TNRC6B: variants seen among roughly 807,000 people sequenced by gnomAD.
TNRC6B encodes the protein trinucleotide repeat containing adaptor 6B.
TNRC6B carries 52 observed loss-of-function variants against 203.6 expected under a neutral mutation model. The observed-to-expected ratio is 0.26, with a 90% CI of 0.20 to 0.32. The LOEUF is 0.32. Ranked by LOEUF, TNRC6B falls within the 10% of genes least tolerant of loss-of-function variation. The pLI, the probability that TNRC6B is intolerant of heterozygous loss-of-function variation, is 1.00. For missense variants in TNRC6B, 1,923 were observed against 2,286.2 expected, an observed-to-expected ratio of 0.84 and a Z score of 3.24; for synonymous variants, 838 against 845.7, an observed-to-expected ratio of 0.99 and a Z score of 0.16.
At chr22:40,308,770 C>T (rs2071130288) in intron 16 of TNRC6B, 121 bp downstream of exon 16, 2 of 1,203,184 alleles carry the variant, frequency 1.7e-6, no homozygotes, top group Non-Finnish European at 2.3e-6. Flanking sequence ...CTATGATTGC[C>T]TGTGGAGGAA....
intron 3 of TNRC6B, among the ~76,000 whole-genome samples, chr22:40,132,644 C>CA (rs35771828): frequency 0.42 from 27,056 of 64,840 alleles, 6,089 homozygotes; most frequent in African/African-American, 0.66. Flanking sequence ...GACTCCATCT[C>CA]AAAAAAAAAA....
chr22:40,292,126 G>A (rs970604812), intron 12 of TNRC6B, among the ~76,000 whole-genome samples: 2 of 152,270 alleles, frequency 1.3e-5, no homozygotes, highest in East Asian at 3.9e-4. Flanking sequence ...CCCTGGAGGC[G>A]GAGCTTGCAG....
intron 1 of TNRC6B, among the ~76,000 whole-genome samples, chr22:40,191,129 A>G (rs982883040): frequency 6.6e-6 from 1 of 152,252 alleles, no homozygotes; most frequent in Non-Finnish European, 1.5e-5. Flanking sequence ...TAATGGGCAG[A>G]TGGGAGTCGC....
At chr22:40,164,716 C>G (rs1569004136) in intron 4 of TNRC6B, among the ~76,000 whole-genome samples, 1 of 144,094 alleles carries the variant, frequency 6.9e-6, no homozygotes, top group Non-Finnish European at 1.5e-5. Flanking sequence ...GAGCCGAGAT[C>G]GCGCCATTAC....
At position 40,287,184 on chromosome 22, in the gene TNRC6B, T is replaced by A. The variant is rs114829782; in HGVS notation, c.3708+1414T>A. ...ACCACCAAGCTTGGCTGGTTTTAAG[T>A]ATTGTGTAGAGGTGGAGTCATGCTA... On this transcript the variant is annotated intron_variant, in intron 12 of 22. Transcript: ENST00000454349. Among the ~76,000 whole-genome samples, 309 of 151,922 alleles carry A rather than the reference T, an allele frequency of 2.0e-3. 1 individual carries two copies. Among genetic ancestry groups the A allele is most frequent in the African/African-American group, 7.2e-3 (298 of 41,434 alleles).
chr22:40,108,887 A>C (rs2068308814), intron 1 of TNRC6B, among the ~76,000 whole-genome samples: 1 of 152,156 alleles, frequency 6.6e-6, no homozygotes, highest in Non-Finnish European at 1.5e-5. Context: ...CTAAATATTA[A>C]GCCCAGCATA....
At position 40,277,077 on chromosome 22, in the gene TNRC6B, T is replaced by C; in HGVS notation, c.3142T>C (p.Cys1048Arg). The part of the protein sequence containing the change: ...WGQGGKKQMK[C>R]SLKGGNNDSW... ...GAGGTTCCGTGTTTCATTTCTGTAG[T>C]GCTCACTCAAAGGAGGAAACAATGA... Residue 1048 changes from cysteine (C) to arginine (R), a missense_variant and splice_region_variant, in exon 8 of 23, where the codon TGC becomes CGC. Around this residue, in one of 8 missense-constraint regions of TNRC6B, gnomAD observed 599 missense variants for 656.5 expected, o/e 0.91. Coordinates refer to ENST00000454349, the MANE Select transcript of TNRC6B (RefSeq NM_001162501.2). 1 of 1,597,880 alleles carries C rather than the reference T, an allele frequency of 6.3e-7. No individual in the cohort carries two copies. The highest frequency in any genetic ancestry group is 8.5e-7 in the Non-Finnish European group (1 of 1,173,842).
At chr22:40,288,863 G>A (rs1468693612) in intron 12 of TNRC6B, among the ~76,000 whole-genome samples, 1 of 115,150 alleles carries the variant, frequency 8.7e-6, no homozygotes, top group African/African-American at 3.5e-5. Flanking sequence ...TTTTTTTGAG[G>A]CAGAGTCTCT....
At chr22:40,117,687 C>T (rs2068402685) in intron 2 of TNRC6B, among the ~76,000 whole-genome samples, 1 of 151,980 alleles carries the variant, frequency 6.6e-6, no homozygotes, top group Non-Finnish European at 1.5e-5. Flanking sequence ...TTGGTTGATG[C>T]TTTTCTCTTT....
At chr22:40,226,905 A>G (rs944092482) in intron 1 of TNRC6B, among the ~76,000 whole-genome samples, 2 of 151,578 alleles carry the variant, frequency 1.3e-5, no homozygotes, top group African/African-American at 4.8e-5. Flanking sequence ...TCCTAGAACC[A>G]CTAGTTTTTG....
At chr22:40,163,817 A>ATTTTATTTTATT (rs957711412) in intron 4 of TNRC6B, among the ~76,000 whole-genome samples, 1 of 152,020 alleles carries the variant, frequency 6.6e-6, no homozygotes, top group Admixed American at 6.6e-5. Flanking sequence ...GTGTTTCACA[A>ATTTTATTTTATT]TTTTATTTTA....
At position 40,330,034 on chromosome 22, in the gene TNRC6B, ACT is replaced by A. The variant is rs2071448196; in HGVS notation, c.*6796_*6797del. ...AAGATCAGATAAATAGGCAAGAAGT[ACT>A]CTGTTTTAAATAAAGAATAAATAGT... is the stretch of plus-strand genomic sequence containing the variant. On this transcript the variant is annotated 3_prime_UTR_variant, in exon 23 of 23. Coordinates refer to ENST00000454349, the MANE Select transcript of TNRC6B (RefSeq NM_001162501.2). 1 of 152,170 alleles carries A rather than the reference ACT, an allele frequency of 6.6e-6. No homozygotes were observed. Among genetic ancestry groups the A allele is most frequent in the African/African-American group, 2.4e-5 (1 of 41,430 alleles). The allele number at this position is 152,170 out of a possible 1,614,324, so 9.4% of individuals were successfully genotyped here. A position where few individuals can be genotyped will look rare whatever the true frequency, so the allele number is the denominator to read the frequency against.
chr22:40,258,861 A>G (rs777312697), intron 3 of TNRC6B, among the ~76,000 whole-genome samples: 5 of 152,204 alleles, frequency 3.3e-5, no homozygotes, highest in Non-Finnish European at 7.3e-5. Flanking sequence ...AAGTGAGTCA[A>G]ACTGGTGTTC....
At chr22:40,089,250 T>G (rs1490294815) in intron 1 of TNRC6B, among the ~76,000 whole-genome samples, 1 of 152,196 alleles carries the variant, frequency 6.6e-6, no homozygotes, top group Non-Finnish European at 1.5e-5. Flanking sequence ...TTCTTTTTTT[T>G]GAGATGAAAT....
chr22:40,221,839 C>G (rs1177751168), intron 1 of TNRC6B, among the ~76,000 whole-genome samples: 2 of 150,224 alleles, frequency 1.3e-5, no homozygotes, highest in South Asian at 2.2e-4. Context: ...GCCCAAATAC[C>G]TGTCCTTACC....
chr22:40,281,199 C>T lies in TNRC6B; in HGVS notation c.3492C>T (p.Tyr1164=), dbSNP rs1200820791. 6.4e-7 allele frequency: 1 copy of T among 1,551,624 alleles called. No individual in the cohort carries two copies. The highest frequency in any genetic ancestry group is 2.0e-5 in the Admixed American group (1 of 50,994). The change falls in exon 11 of 23, where the codon TAC becomes TAT. Residue 1164 remains tyrosine (Y), a synonymous_variant. Transcript: ENST00000454349. ...PCSPFSPSPS[Y]KLSPSGSTLP... The stretch of plus-strand genomic sequence containing the variant: ...CTCCCTTCTCCCCTTCTCCCAGCTA[C>T]AAGCTGTCTCCCTCTGGTTCCACAC...
At chr22:40,166,244 C>G (rs1182820595) in intron 4 of TNRC6B, among the ~76,000 whole-genome samples, 1 of 151,958 alleles carries the variant, frequency 6.6e-6, no homozygotes, top group Admixed American at 6.6e-5. Context: ...AAACTAATTT[C>G]AAAGACAAAA....
intron 12 of TNRC6B, among the ~76,000 whole-genome samples, chr22:40,292,937 TCTG>T (rs1830643348): frequency 6.6e-6 from 1 of 152,202 alleles, no homozygotes. Context: ...CTTTAAACAA[TCTG>T]TTGTTTTCAT....
At chr22:40,296,424 C>T (rs931790447) in intron 12 of TNRC6B, among the ~76,000 whole-genome samples, 11 of 150,996 alleles carry the variant, frequency 7.3e-5, no homozygotes, top group Middle Eastern at 6.8e-3. Flanking sequence ...CTCCGCCTCC[C>T]GGGTTCATGC....
Sources: gnomAD v4.1 joint callset for allele counts (sites outside exome capture counted in the v4.1 genomes callset) on GRCh38, gnomAD v4.1.1 for gene constraint, gnomAD v4.1.1 regional missense constraint, MANE v1.5 for transcripts, NCBI Gene and HGNC (gene_info 2026-07-23, HGNC 2026-07-21) for gene names.